The following KCNMA1 variants were observed in gnomAD, a reference collection of about 807,000 sequenced individuals.
The protein encoded by KCNMA1 is Calcium-activated potassium channel subunit alpha-1.
In KCNMA1, 29 loss-of-function variants were observed where a neutral mutation model predicts 140.0. The ratio of observed to expected loss-of-function variants is 0.21; its 90% CI spans 0.15 to 0.28. The LOEUF (loss-of-function observed/expected upper bound fraction) is 0.28, where lower values mean the gene tolerates loss of function less well. KCNMA1 is among the 10% of genes least tolerant of loss of function. The probability of loss-of-function intolerance (pLI) is 1.00; values close to 1 mark genes in which losing one functional copy is unlikely to be tolerated. For synonymous variants in KCNMA1, 612 were observed against 611.9 expected, an observed-to-expected ratio of 1.00 and a Z score of 0.00; for missense variants, 880 against 1,602.2, an observed-to-expected ratio of 0.55 and a Z score of 7.70.
At chr10:77,319,970 GC>G (rs1283719911) in intron 2 of KCNMA1, among the ~76,000 whole-genome samples, 49 of 152,300 alleles carry the variant, frequency 3.2e-4, no homozygotes, top group African/African-American at 1.1e-3. Flanking sequence ...GACTGATACT[GC>G]CCTCTTCGAA....
chr10:77,112,567 C>T, intron 6 of KCNMA1, 125 bp from the exon 7 acceptor site: 1 of 715,946 alleles, frequency 1.4e-6, no homozygotes, highest in South Asian at 1.5e-5. Context: ...AACCATTTCT[C>T]CATTATAAGG....
intron 3 of KCNMA1, among the ~76,000 whole-genome samples, chr10:77,221,914 G>A (rs747470254): frequency 6.6e-6 from 1 of 152,162 alleles, no homozygotes; most frequent in African/African-American, 2.4e-5. Flanking sequence ...ACAGATGCAG[G>A]TTCAAATCCC....
At chr10:77,330,077 T>C (rs1452167252) in intron 2 of KCNMA1, among the ~76,000 whole-genome samples, 1 of 152,186 alleles carries the variant, frequency 6.6e-6, no homozygotes, top group African/African-American at 2.4e-5. Flanking sequence ...CTTTGTACTG[T>C]TTCTAATATC....
At chr10:77,367,634 G>T (rs891698401) in intron 2 of KCNMA1, among the ~76,000 whole-genome samples, 7 of 152,186 alleles carry the variant, frequency 4.6e-5, no homozygotes, top group African/African-American at 1.7e-4. Flanking sequence ...GTGTCAATTT[G>T]TATAGCCACC....
intron 2 of KCNMA1, 63 bp from the exon 3 acceptor site, chr10:77,251,319 G>A: frequency 7.8e-7 from 1 of 1,281,306 alleles, no homozygotes; most frequent in East Asian, 2.4e-5. Context: ...TGGGTTTTTT[G>A]ACACATACCG....
At chr10:77,392,717 T>A (rs896760950) in intron 2 of KCNMA1, among the ~76,000 whole-genome samples, 2 of 152,286 alleles carry the variant, frequency 1.3e-5, no homozygotes, top group East Asian at 3.9e-4. Context: ...AATCTGGGTC[T>A]TTATCTTCTG....
intron 5 of KCNMA1, among the ~76,000 whole-genome samples, chr10:77,182,312 T>C (rs1047696552): frequency 2.0e-5 from 3 of 152,238 alleles, no homozygotes; most frequent in African/African-American, 7.2e-5. Context: ...TATACTGCGA[T>C]ACAAACAAAT....
At chr10:76,913,469 C>A (rs1033376226) in intron 24 of KCNMA1, 1 of 152,180 alleles carries the variant, frequency 6.6e-6, no homozygotes, top group South Asian at 2.1e-4. Flanking sequence ...TTGAAATCTG[C>A]CTTTAGTAAA....
At chr10:77,404,124 G>A (rs2096380405) in intron 1 of KCNMA1, 101 bp from the exon 2 acceptor site, 3 of 1,133,856 alleles carry the variant, frequency 2.6e-6, no homozygotes, top group Non-Finnish European at 4.0e-6. Context: ...CCCCAGCTGA[G>A]ATGGAAACTA....
At chr10:77,315,634 A>C (rs1308494626) in intron 2 of KCNMA1, 1 of 152,206 alleles carries the variant, frequency 6.6e-6, no homozygotes, top group Non-Finnish European at 1.5e-5. Flanking sequence ...GCTGGTTTAC[A>C]CCACAGCTGT....
At chr10:76,918,758 G>T (rs1427191441) in intron 23 of KCNMA1, among the ~76,000 whole-genome samples, 1 of 152,062 alleles carries the variant, frequency 6.6e-6, no homozygotes, top group Non-Finnish European at 1.5e-5. Context: ...CAGAGGAAAA[G>T]AAGTCATTAT....
At chr10:77,183,663 T>C in intron 4 of KCNMA1, 131 bp from the exon 5 acceptor site, 1 of 704,622 alleles carries the variant, frequency 1.4e-6, no homozygotes, top group South Asian at 1.6e-5. Context: ...ATTTTTGTAT[T>C]TTTAGTAAAG....
At chr10:77,015,489 T>G (rs941687870) in intron 17 of KCNMA1, among the ~76,000 whole-genome samples, 11 of 152,152 alleles carry the variant, frequency 7.2e-5, no homozygotes, top group African/African-American at 2.7e-4. Flanking sequence ...TTTTCCCATT[T>G]AAGTTTGTCA....
intron 1 of KCNMA1, among the ~76,000 whole-genome samples, chr10:77,551,177 G>T (rs2062758246): frequency 6.6e-6 from 1 of 152,058 alleles, no homozygotes; most frequent in Non-Finnish European, 1.5e-5. Context: ...GGAGTGACAG[G>T]AAAAACCTAT....
At chr10:77,327,876 C>T (rs966648960) in intron 2 of KCNMA1, among the ~76,000 whole-genome samples, 2 of 152,152 alleles carry the variant, frequency 1.3e-5, no homozygotes, top group African/African-American at 4.8e-5. Flanking sequence ...TCTCAGTTTC[C>T]TCTACTATAA....
intron 1 of KCNMA1, among the ~76,000 whole-genome samples, chr10:77,482,847 A>G (rs1490436351): frequency 1.3e-5 from 2 of 151,958 alleles, no homozygotes; most frequent in African/African-American, 4.8e-5. Context: ...ATGCAGCATG[A>G]TTTCAATCCC....
At chr10:77,182,997 C>T (rs1383144964) in intron 5 of KCNMA1, among the ~76,000 whole-genome samples, 2 of 152,176 alleles carry the variant, frequency 1.3e-5, no homozygotes, top group Non-Finnish European at 2.9e-5. Context: ...ATAGACCATG[C>T]AGAACCCACT....
intron 3 of KCNMA1, among the ~76,000 whole-genome samples, chr10:77,213,280 C>A (rs2154177206): frequency 6.6e-6 from 1 of 152,248 alleles, no homozygotes; most frequent in Non-Finnish European, 1.5e-5. Flanking sequence ...GCTTTCAGCA[C>A]CTATACTTGG....
intron 1 of KCNMA1, chr10:77,636,621 A>G (rs2093768024): frequency 1.3e-6 from 2 of 1,535,992 alleles, no homozygotes; most frequent in Non-Finnish European, 1.7e-6. Context: ...GACACATTCC[A>G]AAAGTGGCAG....
Sources: gnomAD v4.1 joint callset for allele counts (sites outside exome capture counted in the v4.1 genomes callset) on GRCh38, gnomAD v4.1.1 for gene constraint, MANE v1.5 for transcripts, NCBI Gene and HGNC (gene_info 2026-07-23, HGNC 2026-07-21) for gene names.